The following TNKS variants were observed in gnomAD, a reference collection of about 807,000 sequenced individuals.
The protein encoded by TNKS is poly [ADP-ribose] polymerase tankyrase-1.
TNKS carries 72 observed loss-of-function variants against 135.8 expected under a neutral mutation model. The ratio of observed to expected loss-of-function variants is 0.53; its 90% CI spans 0.44 to 0.64. TNKS has a LOEUF of 0.64. Among genes scored for constraint, TNKS ranks in the 30% least tolerant of loss-of-function variants. The probability of loss-of-function intolerance (pLI) is 0.00; values close to 1 mark genes in which losing one functional copy is unlikely to be tolerated. For missense variants in TNKS, 1,769 were observed against 1,674.0 expected (o/e 1.06, Z -0.99); for synonymous variants, 849 against 649.3 (o/e 1.31, Z -4.68).
At chr8:9,621,121 A>G (rs1799850950) in intron 3 of TNKS, among the ~76,000 whole-genome samples, 1 of 152,222 alleles carries the variant, frequency 6.6e-6, no homozygotes, top group South Asian at 2.1e-4. Context: ...AGTCCTATAC[A>G]TTTCTTAAAA....
At chr8:9,670,539 C>T (rs913250953) in intron 3 of TNKS, among the ~76,000 whole-genome samples, 1 of 152,136 alleles carries the variant, frequency 6.6e-6, no homozygotes, top group Non-Finnish European at 1.5e-5. Context: ...ATCAACATTT[C>T]TACCTAAAAC....
At chr8:9,578,473 A>T (rs1484457986) in intron 1 of TNKS, among the ~76,000 whole-genome samples, 1 of 152,240 alleles carries the variant, frequency 6.6e-6, no homozygotes, top group Non-Finnish European at 1.5e-5. Context: ...ACCTAAAATT[A>T]TCAGCTTAAT....
At chr8:9,586,862 T>G (rs1798400817) in intron 2 of TNKS, among the ~76,000 whole-genome samples, 2 of 151,824 alleles carry the variant, frequency 1.3e-5, no homozygotes, top group South Asian at 2.1e-4. Flanking sequence ...TTTGCTCCTC[T>G]TAGAGTAATT....
intron 1 of TNKS, among the ~76,000 whole-genome samples, chr8:9,567,836 A>G (rs901419434): frequency 3.3e-5 from 5 of 152,214 alleles, no homozygotes; most frequent in Non-Finnish European, 7.3e-5. Context: ...TAACTGAAAC[A>G]TATTGGAGTC....
intron 3 of TNKS, among the ~76,000 whole-genome samples, chr8:9,659,193 A>C (rs922789789): frequency 6.6e-6 from 1 of 152,216 alleles, no homozygotes; most frequent in Non-Finnish European, 1.5e-5. Context: ...GAAAGTTAAC[A>C]AAGATATCCA....
intron 3 of TNKS, among the ~76,000 whole-genome samples, chr8:9,637,990 A>G (rs1374652223): frequency 6.6e-6 from 1 of 152,120 alleles, no homozygotes; most frequent in African/African-American, 2.4e-5. Flanking sequence ...TTTTCTAGAG[A>G]TGGGATCTCG....
At chr8:9,579,508 G>T (rs748260089) in intron 1 of TNKS, among the ~76,000 whole-genome samples, 1 of 151,908 alleles carries the variant, frequency 6.6e-6, no homozygotes, top group African/African-American at 2.4e-5. Context: ...TCGCACTATT[G>T]CCCAGGCTGG....
chr8:9,606,877 T>G (rs953843794), intron 2 of TNKS, among the ~76,000 whole-genome samples: 2 of 152,158 alleles, frequency 1.3e-5, no homozygotes, highest in South Asian at 4.1e-4. Flanking sequence ...TTATGGAGGT[T>G]TGGTTTTAAG....
intron 22 of TNKS, 93 bp from the exon 23 acceptor site, chr8:9,764,620 ACTC>A (rs1384612472): frequency 5.0e-6 from 4 of 801,836 alleles, no homozygotes; most frequent in Non-Finnish European, 7.5e-6. Context: ...TTTATAGTGA[ACTC>A]CTATTTATTT....
At chr8:9,584,938 A>C (rs1798312356) in intron 2 of TNKS, among the ~76,000 whole-genome samples, 1 of 152,174 alleles carries the variant, frequency 6.6e-6, no homozygotes, top group Admixed American at 6.5e-5. Context: ...GGAATACCCC[A>C]ACATCTAGAC....
intron 13 of TNKS, 129 bp downstream of exon 13, chr8:9,726,849 A>C: frequency 1.4e-6 from 1 of 714,760 alleles, no homozygotes; most frequent in East Asian, 2.5e-5. Context: ...GGGCAGGAAA[A>C]ATCTGTACTA....
At chr8:9,772,743 G>C (rs1043873809) in intron 26 of TNKS, among the ~76,000 whole-genome samples, 3 of 151,450 alleles carry the variant, frequency 2.0e-5, no homozygotes, top group African/African-American at 7.3e-5. Flanking sequence ...GGCATATTTA[G>C]GGATAAAGGA....
chr8:9,665,280 T>A (rs1801934538), intron 3 of TNKS, among the ~76,000 whole-genome samples: 1 of 152,216 alleles, frequency 6.6e-6, no homozygotes, highest in South Asian at 2.1e-4. Flanking sequence ...TTCACTTACA[T>A]ATTTGAACAG....
chr8:9,654,782 G>A (rs779995824), intron 3 of TNKS, among the ~76,000 whole-genome samples: 8 of 152,108 alleles, frequency 5.3e-5, no homozygotes, highest in African/African-American at 1.7e-4. Context: ...CAAGATGGCC[G>A]AATAGGAACA....
chr8:9,686,443 A>G (rs1270306713), intron 5 of TNKS, among the ~76,000 whole-genome samples: 1 of 152,186 alleles, frequency 6.6e-6, no homozygotes, highest in African/African-American at 2.4e-5. Context: ...CTGCCCAGGT[A>G]ATTCACTGCT....
chr8:9,565,806 G>C (rs901927030), intron 1 of TNKS, among the ~76,000 whole-genome samples: 3 of 151,896 alleles, frequency 2.0e-5, no homozygotes, highest in Admixed American at 2.0e-4. Context: ...GCAGTGAGCC[G>C]AGATCACGCC....
At chr8:9,571,864 G>T (rs1174383808) in intron 1 of TNKS, among the ~76,000 whole-genome samples, 3 of 152,122 alleles carry the variant, frequency 2.0e-5, no homozygotes, top group African/African-American at 7.2e-5. Flanking sequence ...CTCACCTCTT[G>T]ATTTACTGTG....
intron 5 of TNKS, among the ~76,000 whole-genome samples, chr8:9,700,973 G>A (rs527932681): frequency 4.2e-4 from 60 of 143,132 alleles, no homozygotes; most frequent in Non-Finnish European, 6.0e-4. Flanking sequence ...TTGCTTTGTC[G>A]CCCAGGCTGC....
intron 5 of TNKS, among the ~76,000 whole-genome samples, chr8:9,681,542 GT>G (rs1170938426): frequency 6.6e-6 from 1 of 150,868 alleles, no homozygotes; most frequent in East Asian, 1.9e-4. Flanking sequence ...CATAAAGTTG[GT>G]TTTTTTTTAA....
Sources: allele counts gnomAD v4.1 joint callset (sites outside exome capture counted in the v4.1 genomes callset), GRCh38; gene constraint gnomAD v4.1.1; transcripts MANE v1.5; gene names NCBI Gene and HGNC (gene_info 2026-07-23, HGNC 2026-07-21).